Variants in MKLN1 observed in about 807,000 individuals in gnomAD.
MKLN1 encodes the protein muskelin 1, also known as muskelin.
In MKLN1, 18 loss-of-function variants were observed where a neutral mutation model predicts 99.0. The observed-to-expected ratio is 0.18, with a 90% CI of 0.13 to 0.27. MKLN1 has a LOEUF of 0.27. MKLN1 is among the 10% of genes least tolerant of loss of function. MKLN1 has a pLI of 1.00. For missense variants in MKLN1, 621 were observed against 875.9 expected (o/e 0.71, Z 3.67); for synonymous variants, 288 against 293.2 (o/e 0.98, Z 0.18).
intron 3 of MKLN1, among the ~76,000 whole-genome samples, chr7:131,297,482 G>C (rs981931303): frequency 3.3e-5 from 5 of 151,792 alleles, no homozygotes; most frequent in South Asian, 2.1e-4. Flanking sequence ...CAAATATCTT[G>C]AGGGCTGACT....
At chr7:131,173,974 C>CT (rs1191131472) in intron 2 of MKLN1, among the ~76,000 whole-genome samples, 12,634 of 129,378 alleles carry the variant, frequency 0.098, 946 homozygotes, top group South Asian at 0.17. Flanking sequence ...TTTTCTTTTT[C>CT]TTTTTTTTTT....
intron 2 of MKLN1, among the ~76,000 whole-genome samples, chr7:131,167,346 C>T (rs1796141289): frequency 6.6e-6 from 1 of 151,988 alleles, no homozygotes; most frequent in Non-Finnish European, 1.5e-5. Context: ...TTTGAAAATT[C>T]TGAAAGTCAA....
intron 2 of MKLN1, among the ~76,000 whole-genome samples, chr7:131,183,064 T>G (rs1028922044): frequency 6.6e-6 from 1 of 152,308 alleles, no homozygotes; most frequent in African/African-American, 2.4e-5. Context: ...GTTTTGCTAC[T>G]CATATAAAGT....
chr7:131,197,697 ACT>A (rs1041581832), intron 2 of MKLN1, among the ~76,000 whole-genome samples: 2 of 151,572 alleles, frequency 1.3e-5, no homozygotes, highest in Non-Finnish European at 2.9e-5. Context: ...AATGACACAA[ACT>A]CTCTTTCATT....
chr7:131,444,746 AGTAGTAGTAGTAGAAGAAGTAGTAGT>A lies in MKLN1; in HGVS notation c.1396-1027_1396-1002del, dbSNP rs1795948969. On this transcript the variant is annotated intron_variant, in intron 11 of 17. Coordinates refer to ENST00000352689, the MANE Select transcript of MKLN1 (RefSeq NM_013255.5). ...TAGTAGTAGTAGTAGTAGTAGTAGT[AGTAGTAGTAGTAGAAGAAGTAGTAGT>A]AGTAGTAGTAGTAGTAGTAGTAGTA... Among the ~76,000 whole-genome samples, 19 of 101,184 alleles carry A rather than the reference AGTAGTAGTAGTAGAAGAAGTAGTAGT, an allele frequency of 1.9e-4. 1 individual carries two copies. Among genetic ancestry groups the A allele is most frequent in the African/African-American group, 7.5e-4 (19 of 25,218 alleles). 66.4% of individuals were successfully genotyped at this position (101,184 alleles called of 152,430 possible). A position where few individuals can be genotyped will look rare whatever the true frequency, so the allele number is the denominator to read the frequency against.
At chr7:131,135,020 G>A (rs937527211) in intron 1 of MKLN1, among the ~76,000 whole-genome samples, 1 of 152,086 alleles carries the variant, frequency 6.6e-6, no homozygotes, top group Non-Finnish European at 1.5e-5. Context: ...ACACCTTTGT[G>A]CCTGTTTTCA....
intron 1 of MKLN1, among the ~76,000 whole-genome samples, chr7:131,361,162 T>C (rs551552930): frequency 5.3e-5 from 8 of 152,152 alleles, no homozygotes; most frequent in African/African-American, 1.9e-4. Flanking sequence ...GGGTTTTCTC[T>C]GGTCAGTGGT....
At chr7:131,465,010 G>A (rs1026560873) in intron 14 of MKLN1, among the ~76,000 whole-genome samples, 4 of 152,102 alleles carry the variant, frequency 2.6e-5, no homozygotes, top group African/African-American at 9.7e-5. Flanking sequence ...AGCCATGGAT[G>A]ATTTATTTAA....
At chr7:131,425,586 C>T (rs1795335094) in intron 8 of MKLN1, among the ~76,000 whole-genome samples, 1 of 152,132 alleles carries the variant, frequency 6.6e-6, no homozygotes, top group South Asian at 2.1e-4. Context: ...ATTCTCAGTA[C>T]TCAAAAAGTG....
intron 1 of MKLN1, among the ~76,000 whole-genome samples, chr7:131,359,903 T>C (rs112050477): frequency 0.064 from 9,673 of 151,982 alleles, 364 homozygotes; most frequent in Non-Finnish European, 0.075. Context: ...CTAGCTAATT[T>C]TTGTATTTTT....
intron 1 of MKLN1, among the ~76,000 whole-genome samples, chr7:131,356,650 TG>T (rs1265902199): frequency 2.0e-5 from 3 of 152,166 alleles, no homozygotes; most frequent in Admixed American, 2.0e-4. Context: ...GCCTCTGTCG[TG>T]TCCCACTGAT....
intron 12 of MKLN1, among the ~76,000 whole-genome samples, chr7:131,452,482 G>A (rs913139935): frequency 1.3e-5 from 2 of 149,260 alleles, no homozygotes; most frequent in African/African-American, 5.0e-5. Context: ...TGCTTATTGT[G>A]CTTACTGACA....
intron 2 of MKLN1, among the ~76,000 whole-genome samples, chr7:131,145,457 T>A (rs1357161068): frequency 6.6e-6 from 1 of 152,224 alleles, no homozygotes; most frequent in African/African-American, 2.4e-5. Flanking sequence ...GGGGAACTAG[T>A]TCTCTAGTAC....
intron 1 of MKLN1, among the ~76,000 whole-genome samples, chr7:131,141,255 T>C (rs1208282323): frequency 1.3e-5 from 2 of 152,222 alleles, no homozygotes; most frequent in Admixed American, 6.5e-5. Context: ...CTGCTTGCTG[T>C]TGCTCTGAAT....
rs76240581 is a variant in MKLN1, at chr7:131,288,818, A to G, written c.-179+85844A>G. ...ATTGCTGCATGCTTTTTGCTGCCAC[A>G]TGACCTCAGCTTTCTTCCTTCTCTC... On this transcript the variant is annotated intron_variant, in intron 3 of 7. Transcript: ENST00000416992. 9.5e-3 allele frequency among the ~76,000 whole-genome samples: 1,444 copies of G among 152,140 alleles called. 14 individuals are homozygous for G. Among genetic ancestry groups the G allele is most frequent in the Non-Finnish European group, 0.014 (929 of 68,000 alleles).
intron 10 of MKLN1, among the ~76,000 whole-genome samples, chr7:131,438,949 T>C (rs1795750985): frequency 6.6e-6 from 1 of 152,178 alleles, no homozygotes; most frequent in Admixed American, 6.5e-5. Flanking sequence ...ATTGCCATAT[T>C]TCTATTAACA....
chr7:131,256,251 G>A (rs1744538048), intron 3 of MKLN1, among the ~76,000 whole-genome samples: 1 of 152,080 alleles, frequency 6.6e-6, no homozygotes, highest in African/African-American at 2.4e-5. Context: ...ACAACCACAG[G>A]TGAAAGAAAG....
chr7:131,351,077 C>A (rs1026212178), intron 1 of MKLN1, among the ~76,000 whole-genome samples: 2 of 152,038 alleles, frequency 1.3e-5, no homozygotes, highest in African/African-American at 4.8e-5. Flanking sequence ...TTTTACAATT[C>A]TTTTTATCAA....
At chr7:131,117,435 AAACAAC>A (rs35789698) in intron 1 of MKLN1, among the ~76,000 whole-genome samples, 8 of 148,888 alleles carry the variant, frequency 5.4e-5, no homozygotes, top group Admixed American at 6.7e-5. Context: ...ATCTCAGGAA[AAACAAC>A]AACAACAACA....
Sources: gnomAD v4.1 joint callset for allele counts (sites outside exome capture counted in the v4.1 genomes callset) on GRCh38, gnomAD v4.1.1 for gene constraint, MANE v1.5 for transcripts, NCBI Gene and HGNC (gene_info 2026-07-23, HGNC 2026-07-21) for gene names.